The following ZNF407 variants were observed in gnomAD, a reference collection of about 807,000 sequenced individuals.
The protein encoded by ZNF407 is zinc finger protein 407.
Under a neutral mutation model 131.2 loss-of-function variants are expected in ZNF407, and 17 were observed. The ratio of observed to expected loss-of-function variants is 0.13; its 90% confidence interval spans 0.09 to 0.19. ZNF407 has a LOEUF of 0.19. ZNF407 is among the 10% of genes least tolerant of loss of function. ZNF407 has a pLI of 1.00. For missense variants in ZNF407, 2,681 were observed against 2,830.6 expected (o/e 0.95, Z 1.20); for synonymous variants, 1,156 against 1,062.0 (o/e 1.09, Z -1.72).
chr18:75,029,876 C>T (rs747743190), intron 8 of ZNF407, among the ~76,000 whole-genome samples: 1 of 152,138 alleles, frequency 6.6e-6, no homozygotes, highest in Non-Finnish European at 1.5e-5. Context: ...ACAGAAAAAT[C>T]AAGGATGAAT....
At chr18:75,035,759 G>A (rs909699008) in intron 8 of ZNF407, among the ~76,000 whole-genome samples, 2 of 151,880 alleles carry the variant, frequency 1.3e-5, no homozygotes, top group African/African-American at 4.9e-5. Flanking sequence ...CATTGCGTCC[G>A]CCTCGCCTCT....
intron 4 of ZNF407, among the ~76,000 whole-genome samples, chr18:74,791,200 G>T (rs940762716): frequency 6.6e-6 from 1 of 152,128 alleles, no homozygotes; most frequent in Admixed American, 6.5e-5. Context: ...GAACATTAAG[G>T]CACTCTTTGA....
At chr18:74,862,921 CTTT>C (rs34268986) in intron 4 of ZNF407, among the ~76,000 whole-genome samples, 1 of 138,508 alleles carries the variant, frequency 7.2e-6, no homozygotes, top group Non-Finnish European at 1.5e-5. Context: ...TTATTTCTCA[CTTT>C]TTTTTTTTTT....
intron 1 of ZNF407, among the ~76,000 whole-genome samples, chr18:74,607,869 C>T (rs1459653834): frequency 6.6e-6 from 1 of 152,174 alleles, no homozygotes; most frequent in East Asian, 1.9e-4. Flanking sequence ...CTTCAGTGCC[C>T]TGGAGAGTTA....
chr18:74,686,903 A>G (rs1967108996), intron 3 of ZNF407, among the ~76,000 whole-genome samples: 3 of 152,244 alleles, frequency 2.0e-5, no homozygotes, highest in African/African-American at 7.2e-5. Context: ...AAATGTGTAA[A>G]ATGCTTCATT....
chr18:74,939,998 C>T (rs1032792956), intron 8 of ZNF407, among the ~76,000 whole-genome samples: 3 of 152,154 alleles, frequency 2.0e-5, no homozygotes, highest in African/African-American at 7.2e-5. Flanking sequence ...CTTTCTTGGT[C>T]ATGGATTTCA....
At chr18:74,781,298 G>A (rs1166074247) in intron 3 of ZNF407, 130 bp from the exon 4 acceptor site, 2 of 611,010 alleles carry the variant, frequency 3.3e-6, no homozygotes, top group Non-Finnish European at 5.5e-6. Flanking sequence ...CTTTGGTGTA[G>A]CAAGAGTGCC....
rs1972562456 is a variant in ZNF407, at chr18:74,979,341, G to A, written c.5428+58649G>A. On this transcript the variant is annotated intron_variant, in intron 8 of 8. Coordinates refer to ENST00000299687, the MANE Select transcript of ZNF407 (RefSeq NM_017757.3). Reference sequence around the variant, plus strand: ...AATATATATATAGTCGCCCAGGTCGGAGTGCAGTGGTGCAATCTCAGCTCA... The same window carrying A: ...AATATATATATAGTCGCCCAGGTCGAAGTGCAGTGGTGCAATCTCAGCTCA... Among the ~76,000 whole-genome samples, 5 of 152,196 alleles carry A rather than the reference G, an allele frequency of 3.3e-5. No individual in the cohort carries two copies. The South Asian group carries it at 1.0e-3, about 32-fold the overall frequency.
At chr18:75,032,115 C>G (rs1452245638) in intron 8 of ZNF407, among the ~76,000 whole-genome samples, 1 of 152,174 alleles carries the variant, frequency 6.6e-6, no homozygotes, top group African/African-American at 2.4e-5. Context: ...GACCCGAGAG[C>G]TCCCCCCACA....
intron 3 of ZNF407, among the ~76,000 whole-genome samples, chr18:74,740,408 A>G (rs1968521507): frequency 6.6e-6 from 1 of 152,200 alleles, no homozygotes; most frequent in South Asian, 2.1e-4. Context: ...ATTAGTAGGT[A>G]ACGTTTACAG....
intron 3 of ZNF407, among the ~76,000 whole-genome samples, chr18:74,737,197 TG>T (rs1207765363): frequency 6.6e-6 from 1 of 152,224 alleles, no homozygotes; most frequent in African/African-American, 2.4e-5. Flanking sequence ...GAGGCATTTT[TG>T]ATTTATTTGT....
intron 1 of ZNF407, among the ~76,000 whole-genome samples, chr18:74,608,351 A>ATTTTTTTTTT (rs962858805): frequency 2.3e-5 from 3 of 132,544 alleles, no homozygotes; most frequent in Non-Finnish European, 3.4e-5. Flanking sequence ...GTTCTTTTAG[A>ATTTTTTTTTT]TTTCTTTTTT....
At chr18:74,834,670 C>T (rs550567729) in intron 4 of ZNF407, among the ~76,000 whole-genome samples, 15 of 152,326 alleles carry the variant, frequency 9.8e-5, no homozygotes, top group Non-Finnish European at 1.5e-4. Flanking sequence ...CCTCTACACC[C>T]ACCAGAAAGT....
intron 3 of ZNF407, among the ~76,000 whole-genome samples, chr18:74,652,095 T>C (rs1180828754): frequency 6.6e-6 from 1 of 152,156 alleles, no homozygotes; most frequent in African/African-American, 2.4e-5. Context: ...AGCTTTTCCA[T>C]TCAAGTACAG....
At chr18:74,911,858 G>A (rs1971677250) in intron 7 of ZNF407, among the ~76,000 whole-genome samples, 1 of 152,166 alleles carries the variant, frequency 6.6e-6, no homozygotes, top group African/African-American at 2.4e-5. Context: ...AAAACATAGA[G>A]TAGTGAAGTG....
chr18:74,832,136 C>G (rs1599183491), intron 4 of ZNF407, among the ~76,000 whole-genome samples: 1 of 152,288 alleles, frequency 6.6e-6, no homozygotes, highest in East Asian at 1.9e-4. Flanking sequence ...TGGGTTCTTA[C>G]ACCTTGAGGC....
At chr18:74,928,859 G>C (rs1971946567) in intron 8 of ZNF407, among the ~76,000 whole-genome samples, 1 of 152,098 alleles carries the variant, frequency 6.6e-6, no homozygotes. Flanking sequence ...AGTCAGCTGG[G>C]GTGGGGGAGC....
chr18:74,965,090 A>G (rs1188670848), intron 8 of ZNF407, among the ~76,000 whole-genome samples: 1 of 152,216 alleles, frequency 6.6e-6, no homozygotes, highest in Non-Finnish European at 1.5e-5. Flanking sequence ...TGAGATGTTT[A>G]GATACAGGCA....
intron 8 of ZNF407, among the ~76,000 whole-genome samples, chr18:74,958,665 A>G (rs993903436): frequency 1.3e-5 from 2 of 152,256 alleles, no homozygotes; most frequent in Non-Finnish European, 2.9e-5. Context: ...AGACATGAGC[A>G]AGCTTTGCCT....
Sources: allele counts gnomAD v4.1 joint callset (sites outside exome capture counted in the v4.1 genomes callset), GRCh38; gene constraint gnomAD v4.1.1; transcripts MANE v1.5; gene names NCBI Gene and HGNC (gene_info 2026-07-23, HGNC 2026-07-21).